Variants in AJAP1 observed in about 807,000 individuals in gnomAD.
The protein encoded by AJAP1 is adherens junction-associated protein 1.
In AJAP1, 5 loss-of-function variants were observed where a neutral mutation model predicts 35.0. The ratio of observed to expected loss-of-function variants is 0.14; its 90% CI spans 0.07 to 0.30. The LOEUF (loss-of-function observed/expected upper bound fraction) is 0.30, where lower values mean the gene tolerates loss of function less well. Among genes scored for constraint, AJAP1 ranks in the 10% least tolerant of loss-of-function variants. The pLI is 1.00. For missense variants in AJAP1, 586 were observed against 571.0 expected (o/e 1.03, Z -0.27); for synonymous variants, 284 against 249.3 (o/e 1.14, Z -1.31).
At chr1:4,669,532 A>C (rs1194716142) in intron 1 of AJAP1, among the ~76,000 whole-genome samples, 3 of 152,142 alleles carry the variant, frequency 2.0e-5, no homozygotes, top group African/African-American at 4.8e-5. Flanking sequence ...GCACTCACTC[A>C]CTATCACGAG....
chr1:4,655,340 C>A lies in AJAP1; in HGVS notation c.-86C>A. ...GCGGACCGAGAGCCGGAGACCGGCG[C>A]CGCGGGACGGAAGCGAGCGGGCGCG... On this transcript the variant is annotated 5_prime_UTR_variant, in exon 1 of 6. Coordinates refer to ENST00000378191, the MANE Select transcript of AJAP1 (RefSeq NM_018836.4). This position sits in a 1 kb window ranked among gnomAD's most constrained non-coding sequence, Gnocchi z 6.9. 1 of 1,300,520 alleles carries A rather than the reference C, an allele frequency of 7.7e-7. No individual in the cohort carries two copies. The highest frequency in any genetic ancestry group is 1.7e-5 in the South Asian group (1 of 57,888). The allele number at this position is 1,300,520 out of a possible 1,614,324, so 80.6% of individuals were successfully genotyped here.
At chr1:4,716,243 G>T (rs1311803201) in intron 2 of AJAP1, among the ~76,000 whole-genome samples, 1 of 152,134 alleles carries the variant, frequency 6.6e-6, no homozygotes, top group African/African-American at 2.4e-5. Flanking sequence ...GAAGTAACTG[G>T]GAAATCTTTT....
intron 2 of AJAP1, among the ~76,000 whole-genome samples, chr1:4,753,939 T>C (rs1641373551): frequency 6.6e-6 from 1 of 152,258 alleles, no homozygotes; most frequent in Non-Finnish European, 1.5e-5. Context: ...CTATGTCTTT[T>C]GTCTTTTGTT....
chr1:4,750,032 T>TTG (rs55677440), intron 2 of AJAP1, among the ~76,000 whole-genome samples: 27,857 of 150,356 alleles, frequency 0.19, 3,012 homozygotes, highest in Admixed American at 0.3. Flanking sequence ...GTGCATGTGT[T>TTG]TGTGTGTGTG....
At chr1:4,717,320 T>C (rs921223125) in intron 2 of AJAP1, among the ~76,000 whole-genome samples, 5 of 152,204 alleles carry the variant, frequency 3.3e-5, no homozygotes, top group African/African-American at 1.2e-4. Flanking sequence ...AGGCCGTGCA[T>C]GCTGGCATCT....
intron 1 of AJAP1, among the ~76,000 whole-genome samples, chr1:4,690,014 G>A (rs902068970): frequency 4.0e-5 from 6 of 151,592 alleles, no homozygotes; most frequent in East Asian, 1.9e-4. Flanking sequence ...CCCCAGCCCC[G>A]CTCCCTCCTG....
chr1:4,664,369 T>C (rs1427867085), intron 1 of AJAP1, among the ~76,000 whole-genome samples: 1 of 152,162 alleles, frequency 6.6e-6, no homozygotes, highest in Non-Finnish European at 1.5e-5. Context: ...GCACAGAACA[T>C]ACATGGATGC....
At chr1:4,659,681 C>T (rs1638959974) in intron 1 of AJAP1, among the ~76,000 whole-genome samples, 1 of 152,046 alleles carries the variant, frequency 6.6e-6, no homozygotes, top group Non-Finnish European at 1.5e-5. Context: ...TGGGTCAATC[C>T]CAAAAGGTTA....
intron 1 of AJAP1, among the ~76,000 whole-genome samples, chr1:4,703,555 G>A (rs190154616): frequency 2.0e-5 from 3 of 152,288 alleles, no homozygotes; most frequent in East Asian, 1.9e-4. Context: ...TAGGGATAAC[G>A]AGGCCATTTT....
intron 1 of AJAP1, among the ~76,000 whole-genome samples, chr1:4,678,105 A>G (rs1391048178): frequency 6.6e-6 from 1 of 152,224 alleles, no homozygotes; most frequent in Non-Finnish European, 1.5e-5. Context: ...CCCTTTGGCC[A>G]GTGCTAGGGA....
At chr1:4,703,884 A>G (rs1640042045) in intron 1 of AJAP1, among the ~76,000 whole-genome samples, 1 of 152,194 alleles carries the variant, frequency 6.6e-6, no homozygotes, top group Non-Finnish European at 1.5e-5. Flanking sequence ...AAGGCTCCCC[A>G]CTGCCTCCCC....
chr1:4,764,778 T>C (rs1641644337), intron 2 of AJAP1, among the ~76,000 whole-genome samples: 1 of 152,206 alleles, frequency 6.6e-6, no homozygotes, highest in Admixed American at 6.5e-5. Context: ...CCCGCCATCA[T>C]CCAAGTGTAC....
intron 1 of AJAP1, among the ~76,000 whole-genome samples, chr1:4,676,622 G>A (rs898789001): frequency 6.6e-6 from 1 of 152,150 alleles, no homozygotes; most frequent in Non-Finnish European, 1.5e-5. Context: ...GGAGATGATG[G>A]GGGGACGGGA....
intron 1 of AJAP1, among the ~76,000 whole-genome samples, chr1:4,665,319 G>A (rs1490421220): frequency 6.6e-6 from 1 of 152,152 alleles, no homozygotes; most frequent in East Asian, 1.9e-4. Context: ...GGGTCTCCTG[G>A]ATGCTGTGGC....
intron 1 of AJAP1, among the ~76,000 whole-genome samples, chr1:4,701,223 C>T (rs1045741411): frequency 2.0e-5 from 3 of 152,198 alleles, no homozygotes; most frequent in Admixed American, 6.5e-5. Flanking sequence ...TGGGTGCTCC[C>T]GTGAGCAGTC....
At chr1:4,699,430 G>A (rs374960903) in intron 1 of AJAP1, among the ~76,000 whole-genome samples, 2 of 152,190 alleles carry the variant, frequency 1.3e-5, no homozygotes, top group African/African-American at 2.4e-5. Context: ...CAATTGCAAC[G>A]AAACCAAAAT....
chr1:4,756,086 A>G (rs1641424771), intron 2 of AJAP1, among the ~76,000 whole-genome samples: 1 of 152,120 alleles, frequency 6.6e-6, no homozygotes, highest in African/African-American at 2.4e-5. Flanking sequence ...AGCCTAGGAG[A>G]AGGTGCAGGA....
chr1:4,770,912 G>A (rs1490485624), intron 3 of AJAP1, among the ~76,000 whole-genome samples: 5 of 152,112 alleles, frequency 3.3e-5, no homozygotes, highest in African/African-American at 9.7e-5. Context: ...GACCCCGGGC[G>A]TTTTCTGGAG....
At chr1:4,688,809 C>CCCTTCTTG (rs1448053500) in intron 1 of AJAP1, among the ~76,000 whole-genome samples, 2 of 151,438 alleles carry the variant, frequency 1.3e-5, no homozygotes, top group Admixed American at 1.3e-4. Flanking sequence ...GATCGTGATG[C>CCCTTCTTG]CCTTCTTGTT....
Sources: allele counts gnomAD v4.1 joint callset (sites outside exome capture counted in the v4.1 genomes callset), GRCh38; gene constraint gnomAD v4.1.1; non-coding constraint Gnocchi (gnomAD v3.1); transcripts MANE v1.5; gene names NCBI Gene and HGNC (gene_info 2026-07-23, HGNC 2026-07-21).